Variants in RGS3 observed in about 807,000 individuals in gnomAD.
RGS3 encodes the protein regulator of G-protein signalling 3.
A neutral mutation model predicts 132.6 loss-of-function variants in RGS3; 80 were observed. The ratio of observed to expected loss-of-function variants is 0.60; its 90% CI spans 0.50 to 0.73. The LOEUF is 0.73. Ranked by LOEUF, RGS3 falls within the 30% of genes least tolerant of loss-of-function variation. The pLI, the probability that RGS3 is intolerant of heterozygous loss-of-function variation, is 0.00. For missense variants in RGS3, 1,382 were observed against 1,530.8 expected, an observed-to-expected ratio of 0.90 and a Z score of 1.62; for synonymous variants, 598 against 620.6, an observed-to-expected ratio of 0.96 and a Z score of 0.54.
At chr9:113,569,587 TTCCTTCCTTCCTTCCTTCC>T (rs1834180824) in intron 19 of RGS3, among the ~76,000 whole-genome samples, 4 of 126,718 alleles carry the variant, frequency 3.2e-5, no homozygotes, top group African/African-American at 5.9e-5. Flanking sequence ...CTTTCCTTCC[TTCCTTCCTTCCTTCCTTCC>T]TTCCTTCCTT....
chr9:113,447,347 A>ATATATATATATATATATATATATG (rs1829135099), intron 1 of RGS3, among the ~76,000 whole-genome samples: 1 of 108,116 alleles, frequency 9.2e-6, no homozygotes, highest in Non-Finnish European at 2.0e-5. Flanking sequence ...ATATATATAT[A>ATATATATATATATATATATATATG]TATATATATA....
chr9:113,448,643 T>G (rs1162031830), intron 1 of RGS3, among the ~76,000 whole-genome samples: 1 of 152,238 alleles, frequency 6.6e-6, no homozygotes, highest in Non-Finnish European at 1.5e-5. Context: ...GACTGACTTC[T>G]GCGAGTGGCA....
At chr9:113,475,277 A>G (rs1184064362) in intron 3 of RGS3, among the ~76,000 whole-genome samples, 1 of 152,162 alleles carries the variant, frequency 6.6e-6, no homozygotes, top group Admixed American at 6.5e-5. Context: ...TGCCCTGTCC[A>G]AAGGCCCTGC....
intron 19 of RGS3, among the ~76,000 whole-genome samples, chr9:113,549,846 A>G (rs1374508165): frequency 6.6e-6 from 1 of 152,200 alleles, no homozygotes; most frequent in Non-Finnish European, 1.5e-5. Flanking sequence ...TTTATCATTC[A>G]GGTTGCTTGC....
chr9:113,560,963 T>C lies in RGS3; in HGVS notation c.2038-22487T>C, dbSNP rs116001006. Among the ~76,000 whole-genome samples, 414 of 152,310 alleles carry C rather than the reference T, an allele frequency of 2.7e-3. 2 individuals are homozygous for C. The highest frequency in any genetic ancestry group is 9.6e-3 in the African/African-American group (400 of 41,562). ...TTCTGGCAGGGGCAAGGGGCTAGTC[T>C]TACTCTGAAGTGCTCTGGAATTCCT... On this transcript the variant is annotated intron_variant, in intron 19 of 24. Transcript: ENST00000350696.
chr9:113,557,886 G>T (rs1181267270), intron 19 of RGS3, among the ~76,000 whole-genome samples: 1 of 152,212 alleles, frequency 6.6e-6, no homozygotes, highest in Non-Finnish European at 1.5e-5. Context: ...AGATGAGGCT[G>T]AGGTGTGTTC....
At chr9:113,469,900 GT>G (rs61167820) in intron 3 of RGS3, among the ~76,000 whole-genome samples, 468 of 129,790 alleles carry the variant, frequency 3.6e-3, no homozygotes, top group Middle Eastern at 0.016. Flanking sequence ...GCATATAGTT[GT>G]TTTTTTTTTT....
chr9:113,560,702 C>G, intron 19 of RGS3, among the ~76,000 whole-genome samples: 1 of 152,228 alleles, frequency 6.6e-6, no homozygotes, highest in Non-Finnish European at 1.5e-5. Context: ...GACTCCCAAA[C>G]CAGGGCTGTG....
At chr9:113,534,500 A>G (rs974783386) in intron 18 of RGS3, among the ~76,000 whole-genome samples, 1 of 152,148 alleles carries the variant, frequency 6.6e-6, no homozygotes, top group South Asian at 2.1e-4. Flanking sequence ...TCATCTTTAG[A>G]TTACTTATAA....
chr9:113,457,428 T>C (rs1340952359), upstream of RGS3, among the ~76,000 whole-genome samples: 3 of 152,178 alleles, frequency 2.0e-5, no homozygotes, highest in African/African-American at 7.2e-5. Context: ...TTACCCAATC[T>C]CCCACTTGAC....
At chr9:113,459,897 G>A (rs543452761), upstream of RGS3, among the ~76,000 whole-genome samples, 3 of 152,016 alleles carry the variant, frequency 2.0e-5, no homozygotes, top group Admixed American at 6.6e-5. Context: ...AAAATTAGCC[G>A]GGCATGGTAG....
At chr9:113,515,346 A>G (rs1831600837) in intron 15 of RGS3, among the ~76,000 whole-genome samples, 1 of 151,238 alleles carries the variant, frequency 6.6e-6, no homozygotes, top group Non-Finnish European at 1.5e-5. Context: ...AATAACCTTT[A>G]TTGGGCCAGG....
At chr9:113,541,959 G>A (rs995769914) in intron 19 of RGS3, 21 of 728,108 alleles carry the variant, frequency 2.9e-5, no homozygotes, top group South Asian at 6.2e-5. Flanking sequence ...ATATGGTCTC[G>A]CTCTCATCAA....
intron 19 of RGS3, among the ~76,000 whole-genome samples, chr9:113,566,729 A>T (rs555942055): frequency 2.0e-5 from 3 of 152,294 alleles, no homozygotes; most frequent in Non-Finnish European, 2.9e-5. Flanking sequence ...AACTTTCCAC[A>T]TCCTGCTGCC....
At chr9:113,470,106 T>C (rs1482867708) in intron 3 of RGS3, among the ~76,000 whole-genome samples, 1 of 152,168 alleles carries the variant, frequency 6.6e-6, no homozygotes, top group Non-Finnish European at 1.5e-5. Flanking sequence ...AGATGGGGTT[T>C]TACCATGTTG....
chr9:113,495,422 A>G (rs1830649245), intron 7 of RGS3, among the ~76,000 whole-genome samples: 1 of 152,216 alleles, frequency 6.6e-6, no homozygotes, highest in South Asian at 2.1e-4. Context: ...TCCACTGAGC[A>G]TCACCAATGA....
chr9:113,460,919 T>A (rs1391544415), intron 1 of RGS3, among the ~76,000 whole-genome samples: 6 of 152,230 alleles, frequency 3.9e-5, no homozygotes, highest in Admixed American at 2.6e-4. Flanking sequence ...AAATCATTGC[T>A]CGATACTTTA....
intron 1 of RGS3, among the ~76,000 whole-genome samples, chr9:113,447,329 G>GTATATGTATATATA (rs1554751011): frequency 1.5e-4 from 4 of 27,536 alleles, no homozygotes; most frequent in African/African-American, 3.9e-4. Flanking sequence ...GTATGTATAT[G>GTATATGTATATATA]TATATATATA....
At chr9:113,576,056 C>T (rs1308919210) in intron 19 of RGS3, among the ~76,000 whole-genome samples, 2 of 151,754 alleles carry the variant, frequency 1.3e-5, no homozygotes, top group Non-Finnish European at 2.9e-5. Context: ...AAAAATTAGC[C>T]GGGCGTGGTG....
Sources: allele counts gnomAD v4.1 joint callset (sites outside exome capture counted in the v4.1 genomes callset), GRCh38; gene constraint gnomAD v4.1.1; transcripts MANE v1.5; gene names NCBI Gene and HGNC (gene_info 2026-07-23, HGNC 2026-07-21).